The following RYR2 variants were observed in gnomAD, a reference collection of about 807,000 sequenced individuals.
RYR2 encodes the protein cardiac muscle ryanodine receptor-calcium release channel.
RYR2 carries 227 observed loss-of-function variants against 601.1 expected under a neutral mutation model. The ratio of observed to expected loss-of-function variants is 0.38; its 90% confidence interval spans 0.34 to 0.42. RYR2 has a LOEUF of 0.42. Among genes scored for constraint, RYR2 ranks in the 10% least tolerant of loss-of-function variants. The pLI, the probability that RYR2 is intolerant of heterozygous loss-of-function variation, is 1.00. For synonymous variants in RYR2, 2,223 were observed against 2,175.1 expected (o/e 1.02, Z -0.61); for missense variants, 4,646 against 6,156.5 (o/e 0.75, Z 8.21).
At chr1:237,068,109 T>C (rs1663877812) in intron 1 of RYR2, among the ~76,000 whole-genome samples, 1 of 147,600 alleles carries the variant, frequency 6.8e-6, no homozygotes, top group Admixed American at 6.9e-5. Context: ...AATCTCAGAA[T>C]AGATAGCACT....
chr1:237,193,167 CA>C (rs58552588), intron 1 of RYR2, among the ~76,000 whole-genome samples: 5 of 37,422 alleles, frequency 1.3e-4, no homozygotes, highest in South Asian at 1.7e-3. Context: ...GCTAAAAGTA[CA>C]AAAAAAAAAA....
At chr1:237,660,587 A>G (rs1276636481) in intron 55 of RYR2, among the ~76,000 whole-genome samples, 1 of 152,178 alleles carries the variant, frequency 6.6e-6, no homozygotes, top group Non-Finnish European at 1.5e-5. Flanking sequence ...CCTTGGTGCT[A>G]TATAATGAAC....
chr1:237,498,585 A>G (rs930648202), intron 20 of RYR2, among the ~76,000 whole-genome samples: 13 of 152,152 alleles, frequency 8.5e-5, no homozygotes, highest in Non-Finnish European at 1.5e-5. Flanking sequence ...AAAAAAAAAA[A>G]ACATTGATCG....
At chr1:237,285,468 T>C (rs1691455976) in intron 2 of RYR2, among the ~76,000 whole-genome samples, 1 of 152,174 alleles carries the variant, frequency 6.6e-6, no homozygotes, top group African/African-American at 2.4e-5. Flanking sequence ...TCATCAAGGA[T>C]ATCAGTCTGT....
At chr1:237,212,952 A>G (rs1040831803) in intron 1 of RYR2, among the ~76,000 whole-genome samples, 22 of 151,656 alleles carry the variant, frequency 1.5e-4, no homozygotes, top group Non-Finnish European at 2.4e-4. Flanking sequence ...TTGTATTTTT[A>G]GTAGAGACAG....
intron 1 of RYR2, among the ~76,000 whole-genome samples, chr1:237,127,276 G>T (rs918107712): frequency 6.6e-6 from 1 of 151,982 alleles, no homozygotes; most frequent in African/African-American, 2.4e-5. Context: ...TGTCATCCTG[G>T]CCCGTTCTCA....
rs1244994545 is a variant in RYR2 at position 237,146,333 on chromosome 1, G to A, written c.48+103764G>A. ...TCTAAGTCAACTATCTAATGAACAC[G>A]GCACTGCTGGGAAGGGGCACTGCCG... On this transcript the variant is annotated intron_variant, in intron 1 of 104. Coordinates refer to ENST00000366574, the MANE Select transcript of RYR2 (RefSeq NM_001035.3). 4.6e-5 allele frequency among the ~76,000 whole-genome samples: 7 copies of A among 152,222 alleles called. No individual in the cohort carries two copies. In the East Asian group the frequency reaches 9.6e-4, roughly 21 times the overall value.
intron 29 of RYR2, among the ~76,000 whole-genome samples, chr1:237,587,607 CA>C (rs1455195246): frequency 6.6e-6 from 1 of 151,974 alleles, no homozygotes; most frequent in Non-Finnish European, 1.5e-5. Context: ...ACCAAAATGT[CA>C]AAGGCTGAAT....
At chr1:237,179,149 A>C (rs1055924230) in intron 1 of RYR2, among the ~76,000 whole-genome samples, 1 of 152,206 alleles carries the variant, frequency 6.6e-6, no homozygotes, top group Non-Finnish European at 1.5e-5. Flanking sequence ...AGCAAATTTT[A>C]TCTCTGCTGT....
intron 1 of RYR2, among the ~76,000 whole-genome samples, chr1:237,110,933 C>T (rs148406012): frequency 2.8e-4 from 43 of 152,274 alleles, no homozygotes; most frequent in African/African-American, 9.9e-4. Flanking sequence ...TGTGAAGTCC[C>T]CCTTTAATGA....
intron 8 of RYR2, among the ~76,000 whole-genome samples, chr1:237,385,891 A>G (rs1701924176): frequency 6.6e-6 from 1 of 152,284 alleles, no homozygotes; most frequent in African/African-American, 2.4e-5. Flanking sequence ...GAAAAAGAAA[A>G]TAAGCCCAAG....
chr1:237,785,936 C>T (rs1413472382), intron 90 of RYR2, 33 bp from the exon 91 acceptor site: 8 of 1,467,086 alleles, frequency 5.5e-6, no homozygotes, highest in Non-Finnish European at 7.6e-6. Context: ...GATGGGTAAT[C>T]CTGGTTTTCT....
intron 63 of RYR2, among the ~76,000 whole-genome samples, chr1:237,696,776 C>T (rs1025711860): frequency 6.6e-6 from 1 of 151,806 alleles, no homozygotes; most frequent in Admixed American, 6.6e-5. Flanking sequence ...TGCTTTCCCG[C>T]TCACCTCACA....
In RYR2 at chr1:237,602,005, A is replaced by G; in HGVS notation, c.4597-20A>G. On this transcript the variant is annotated intron_variant, in intron 34 of 104. Transcript: ENST00000366574. ...CTTGTTTCATTACTAACATTATTAA[A>G]TTCATTAAATGTATTTCAGGTGGAA... is the stretch of plus-strand genomic sequence containing the variant. 1 of 1,600,368 alleles carries G rather than the reference A, an allele frequency of 6.2e-7. No homozygotes were observed. The highest frequency in any genetic ancestry group is 1.1e-5 in the South Asian group (1 of 89,132).
At chr1:237,730,826 A>G (rs1521750) in intron 77 of RYR2, among the ~76,000 whole-genome samples, 4 of 152,170 alleles carry the variant, frequency 2.6e-5, no homozygotes, top group African/African-American at 9.6e-5. Flanking sequence ...CATGAGAAGT[A>G]GAATTTTCAC....
intron 10 of RYR2, among the ~76,000 whole-genome samples, chr1:237,389,349 G>T (rs1043135950): frequency 1.3e-5 from 2 of 152,172 alleles, no homozygotes; most frequent in Non-Finnish European, 2.9e-5. Flanking sequence ...ACAAGAGAAA[G>T]ATCCTTAGTG....
At chr1:237,310,336 C>T (rs1208715604) in intron 2 of RYR2, among the ~76,000 whole-genome samples, 1 of 152,176 alleles carries the variant, frequency 6.6e-6, no homozygotes, top group Non-Finnish European at 1.5e-5. Flanking sequence ...GTCCCCAATT[C>T]ACTCTGCCAA....
At chr1:237,186,501 AC>A (rs1679352368) in intron 1 of RYR2, among the ~76,000 whole-genome samples, 1 of 152,126 alleles carries the variant, frequency 6.6e-6, no homozygotes, top group Non-Finnish European at 1.5e-5. Context: ...TGAATTTTTA[AC>A]TTTTATGGTA....
At chr1:237,055,445 C>G (rs1257780331) in intron 1 of RYR2, among the ~76,000 whole-genome samples, 2 of 152,116 alleles carry the variant, frequency 1.3e-5, no homozygotes, top group Admixed American at 1.3e-4. Flanking sequence ...TATTAGGAGA[C>G]AGTCACCACG....
Sources: gnomAD v4.1 joint callset for allele counts (sites outside exome capture counted in the v4.1 genomes callset) on GRCh38, gnomAD v4.1.1 for gene constraint, MANE v1.5 for transcripts, NCBI Gene and HGNC (gene_info 2026-07-23, HGNC 2026-07-21) for gene names.